The following PTGER3 variants were observed in gnomAD, a reference collection of about 807,000 sequenced individuals.
The protein encoded by PTGER3 is prostaglandin E2 receptor EP3 subtype.
A neutral mutation model predicts 34.7 loss-of-function variants in PTGER3; 22 were observed. The observed-to-expected ratio is 0.63, with a 90% confidence interval of 0.45 to 0.91. The LOEUF (loss-of-function observed/expected upper bound fraction) is 0.91, where lower values mean the gene tolerates loss of function less well. PTGER3 is among the 40% of genes least tolerant of loss of function. The probability of loss-of-function intolerance (pLI) is 0.00; values close to 1 mark genes in which losing one functional copy is unlikely to be tolerated. For synonymous variants in PTGER3, 241 were observed against 230.1 expected, an observed-to-expected ratio of 1.05 and a Z score of -0.43; for missense variants, 468 against 519.4, an observed-to-expected ratio of 0.90 and a Z score of 0.96.
At chr1:71,043,049 A>C (rs1382442843) in intron 1 of PTGER3, among the ~76,000 whole-genome samples, 1 of 152,242 alleles carries the variant, frequency 6.6e-6, no homozygotes, top group African/African-American at 2.4e-5. Flanking sequence ...GCCAAGTTAT[A>C]AAAGTACAAA....
chr1:70,895,917 G>C (rs1405439830), intron 4 of PTGER3, among the ~76,000 whole-genome samples: 3 of 152,214 alleles, frequency 2.0e-5, no homozygotes, highest in Non-Finnish European at 4.4e-5. Context: ...CCTAGTGGTT[G>C]GTGGCAATGT....
chr1:71,021,412 C>G (rs1658408038), intron 1 of PTGER3, among the ~76,000 whole-genome samples: 2 of 152,076 alleles, frequency 1.3e-5, no homozygotes, highest in South Asian at 4.1e-4. Flanking sequence ...AGTAAGTATT[C>G]AAATTCTGGC....
intron 1 of PTGER3, among the ~76,000 whole-genome samples, chr1:71,025,977 T>G (rs1393967852): frequency 1.3e-5 from 2 of 152,186 alleles, no homozygotes; most frequent in Admixed American, 6.6e-5. Flanking sequence ...AATCTGGCAT[T>G]GTGTGATTAC....
intron 2 of PTGER3, among the ~76,000 whole-genome samples, chr1:70,964,281 C>T (rs1652277161): frequency 6.6e-6 from 1 of 152,222 alleles, no homozygotes; most frequent in African/African-American, 2.4e-5. Flanking sequence ...CTACCTATCA[C>T]CCAGTTCCAA....
At chr1:70,902,854 C>A (rs1467120479) in intron 4 of PTGER3, among the ~76,000 whole-genome samples, 1 of 152,072 alleles carries the variant, frequency 6.6e-6, no homozygotes. Context: ...GGATATTGAG[C>A]CTAAGAAAAG....
At chr1:71,040,521 A>T (rs1346430399) in intron 1 of PTGER3, among the ~76,000 whole-genome samples, 1 of 152,116 alleles carries the variant, frequency 6.6e-6, no homozygotes, top group African/African-American at 2.4e-5. Flanking sequence ...AGGCACGAGA[A>T]TCACTTGAAC....
At chr1:70,908,799 C>T (rs2100379278) in intron 4 of PTGER3, among the ~76,000 whole-genome samples, 1 of 152,268 alleles carries the variant, frequency 6.6e-6, no homozygotes, top group East Asian at 1.9e-4. Flanking sequence ...AGTAGTAAAA[C>T]ATCATTAAGT....
intron 1 of PTGER3, among the ~76,000 whole-genome samples, chr1:71,041,630 G>T (rs1660320841): frequency 6.6e-6 from 1 of 152,168 alleles, no homozygotes; most frequent in African/African-American, 2.4e-5. Flanking sequence ...GGACTAGAGA[G>T]ATTGTCTAAT....
At chr1:70,910,668 T>G (rs188949039) in intron 4 of PTGER3, among the ~76,000 whole-genome samples, 1 of 152,230 alleles carries the variant, frequency 6.6e-6, no homozygotes, top group East Asian at 1.9e-4. Context: ...GTTAAAAAAT[T>G]ATCTCAACCA....
At chr1:70,959,340 G>A (rs1264651870) in intron 2 of PTGER3, among the ~76,000 whole-genome samples, 3 of 138,444 alleles carry the variant, frequency 2.2e-5, no homozygotes, top group African/African-American at 5.4e-5. Context: ...CAATTTATTT[G>A]TGTCCTCTTC....
At chr1:70,916,752 G>T (rs540306092) in intron 4 of PTGER3, among the ~76,000 whole-genome samples, 1 of 151,876 alleles carries the variant, frequency 6.6e-6, no homozygotes, top group African/African-American at 2.4e-5. Flanking sequence ...AATGTGGGTT[G>T]GAAAACTACC....
At chr1:70,966,755 C>T (rs376686782), downstream of PTGER3, among the ~76,000 whole-genome samples, 1 of 152,152 alleles carries the variant, frequency 6.6e-6, no homozygotes, top group African/African-American at 2.4e-5. Flanking sequence ...CAGCTTCATT[C>T]ATGTCCCTGC....
At chr1:71,034,610 T>G (rs536651600) in intron 1 of PTGER3, among the ~76,000 whole-genome samples, 1 of 152,242 alleles carries the variant, frequency 6.6e-6, no homozygotes, top group Admixed American at 6.5e-5. Context: ...AAAATAAAAA[T>G]AAATGTAGTA....
intron 1 of PTGER3, among the ~76,000 whole-genome samples, chr1:71,019,610 T>A (rs1448462955): frequency 1.3e-5 from 2 of 152,238 alleles, no homozygotes; most frequent in Non-Finnish European, 2.9e-5. Flanking sequence ...TCCCCAGTGA[T>A]AACGTTCTTT....
chr1:70,989,899 GCA>G (rs371688813), intron 2 of PTGER3, among the ~76,000 whole-genome samples: 11 of 145,162 alleles, frequency 7.6e-5, no homozygotes, highest in South Asian at 4.5e-4. Flanking sequence ...ACACACACAC[GCA>G]CACACACACA....
chr1:70,861,556 AC>A (rs1645927659), intron 4 of PTGER3, among the ~76,000 whole-genome samples: 1 of 152,190 alleles, frequency 6.6e-6, no homozygotes, highest in Non-Finnish European at 1.5e-5. Flanking sequence ...GGAAACATTC[AC>A]ATTTTACTCC....
In PTGER3 at chr1:70,943,847, GGAGA is replaced by G. The variant is rs60989903; in HGVS notation, c.*23+9912_*23+9915del. On this transcript the variant is annotated intron_variant, in intron 4 of 4. Transcript: ENST00000370931. The stretch of plus-strand genomic sequence containing the variant: ...TACAGATGTGAAAAGGGAGAGAGAG[GGAGA>G]GAGAGAGAGAGAGAGAGAGAGAGAG... Among the ~76,000 whole-genome samples, 853 of 138,136 alleles carry G rather than the reference GGAGA, an allele frequency of 6.2e-3. 5 individuals carry two copies. The highest frequency in any genetic ancestry group is 0.015 in the African/African-American group (551 of 36,886). The allele number at this position is 138,136 out of a possible 152,430, so 90.6% of individuals were successfully genotyped here.
intron 4 of PTGER3, among the ~76,000 whole-genome samples, chr1:70,857,530 C>CTTAT (rs148069112): frequency 0.029 from 4,368 of 151,256 alleles, 181 homozygotes; most frequent in African/African-American, 0.093. Flanking sequence ...GGATTTCACT[C>CTTAT]TTATTTATTT....
At chr1:70,982,108 G>A (rs564488785) in intron 2 of PTGER3, among the ~76,000 whole-genome samples, 1 of 152,106 alleles carries the variant, frequency 6.6e-6, no homozygotes, top group South Asian at 2.1e-4. Context: ...ATAAAGCTAG[G>A]TGCCTAGGAA....
Sources: gnomAD v4.1 joint callset for allele counts (sites outside exome capture counted in the v4.1 genomes callset) on GRCh38, gnomAD v4.1.1 for gene constraint, MANE v1.5 for transcripts, NCBI Gene and HGNC (gene_info 2026-07-23, HGNC 2026-07-21) for gene names.